The following CNBD1 variants were observed in gnomAD, a reference collection of about 807,000 sequenced individuals.
The protein encoded by CNBD1 is cyclic nucleotide-binding domain-containing protein 1.
Under a neutral mutation model 54.4 loss-of-function variants are expected in CNBD1, and 71 were observed. The ratio of observed to expected loss-of-function variants is 1.30; its 90% confidence interval spans 1.08 to 1.59. CNBD1 has a LOEUF of 1.59. CNBD1 is among the 40% of genes most tolerant of loss of function. CNBD1 has a pLI of 0.00. For missense variants in CNBD1, 659 were observed against 518.0 expected, an observed-to-expected ratio of 1.27 and a Z score of -2.64; for synonymous variants, 182 against 170.7, an observed-to-expected ratio of 1.07 and a Z score of -0.51.
chr8:86,877,125 C>A lies in CNBD1; in HGVS notation c.89-10417C>A, dbSNP rs551430262. ...AGTCTTTGGTCAGTTATATTCATAT[C>A]TTTAAATGTTATTAAATATTATTTT... On this transcript the variant is annotated intron_variant, in intron 1 of 10. Transcript: ENST00000518476. Among the ~76,000 whole-genome samples the A allele has an allele frequency of 2.6e-5, 4 of 152,002 alleles. 1 individual carries two copies. In the South Asian group the frequency reaches 8.3e-4, roughly 32 times the overall value.
chr8:87,320,881 C>T (rs1809511432), intron 8 of CNBD1, among the ~76,000 whole-genome samples: 1 of 152,104 alleles, frequency 6.6e-6, no homozygotes, highest in Admixed American at 6.6e-5. Context: ...ACCTTCCCTG[C>T]AGCCCCTGGC....
At chr8:86,894,686 C>G (rs1027202921) in intron 2 of CNBD1, among the ~76,000 whole-genome samples, 1 of 152,048 alleles carries the variant, frequency 6.6e-6, no homozygotes, top group Admixed American at 6.6e-5. Flanking sequence ...CATCTCTTCT[C>G]CCTCCCTTCT....
At chr8:87,408,600 G>T (rs74865218) in intron 2 of CNBD1, among the ~76,000 whole-genome samples, 2,763 of 151,946 alleles carry the variant, frequency 0.018, 83 homozygotes, top group African/African-American at 0.06. Context: ...TCATTCCTCA[G>T]TTTATCGTGC....
chr8:87,240,803 TC>T (rs1303402481), intron 6 of CNBD1, among the ~76,000 whole-genome samples: 4 of 152,108 alleles, frequency 2.6e-5, no homozygotes, highest in Non-Finnish European at 4.4e-5. Context: ...CTCCTGCAGT[TC>T]CCTGGAGCTG....
intron 4 of CNBD1, among the ~76,000 whole-genome samples, chr8:87,127,790 G>A (rs1021496802): frequency 6.6e-6 from 1 of 152,090 alleles, no homozygotes; most frequent in African/African-American, 2.4e-5. Flanking sequence ...GATACGGACA[G>A]GAGGCAGATA....
intron 4 of CNBD1, among the ~76,000 whole-genome samples, chr8:87,010,838 A>G (rs997737240): frequency 6.6e-6 from 1 of 152,100 alleles, no homozygotes; most frequent in Non-Finnish European, 1.5e-5. Flanking sequence ...TTTTAAATTG[A>G]TATCTGAAAC....
At chr8:87,419,569 C>T (rs1317410104) in intron 2 of CNBD1, among the ~76,000 whole-genome samples, 1 of 151,822 alleles carries the variant, frequency 6.6e-6, no homozygotes, top group South Asian at 2.1e-4. Flanking sequence ...TATAGTCATT[C>T]AGAATGTGTT....
In CNBD1 at chr8:87,292,361, T is replaced by C. The variant is rs114103413; in HGVS notation, c.1042+5690T>C. ...CAATAGTTAAAGAAGTTTGAAAGTC[T>C]GTTCTCTTCAGTGAATCACCAAGAG... On this transcript the variant is annotated intron_variant, in intron 8 of 10. Coordinates refer to ENST00000518476, the MANE Select transcript of CNBD1 (RefSeq NM_173538.3). Among the ~76,000 whole-genome samples the C allele has an allele frequency of 6.1e-3, 926 of 152,356 alleles. 9 individuals carry two copies. Among genetic ancestry groups the C allele is most frequent in the African/African-American group, 0.021 (868 of 41,582 alleles).
intron 8 of CNBD1, among the ~76,000 whole-genome samples, chr8:87,313,058 A>T (rs1402038194): frequency 6.6e-6 from 1 of 151,956 alleles, no homozygotes; most frequent in Non-Finnish European, 1.5e-5. Context: ...CCATTTTCTG[A>T]TGTTACTTAA....
intron 6 of CNBD1, among the ~76,000 whole-genome samples, chr8:87,270,952 CATTATT>C (rs1808350389): frequency 6.6e-6 from 1 of 151,494 alleles, no homozygotes; most frequent in Non-Finnish European, 1.5e-5. Flanking sequence ...TTTTGTTACT[CATTATT>C]TGTTTGTTGA....
At chr8:87,350,451 C>A (rs893182914) in intron 8 of CNBD1, among the ~76,000 whole-genome samples, 2 of 151,666 alleles carry the variant, frequency 1.3e-5, no homozygotes, top group African/African-American at 4.8e-5. Context: ...AGTACTTATT[C>A]CATTGTATGT....
chr8:87,207,697 C>T (rs1185788095), intron 5 of CNBD1, among the ~76,000 whole-genome samples: 1 of 151,966 alleles, frequency 6.6e-6, no homozygotes, highest in Non-Finnish European at 1.5e-5. Flanking sequence ...TTTTTTCAAA[C>T]ATTTTCTAAA....
Position 87,382,609 on chromosome 8 carries a change from G to T in CNBD1, c.1304-11G>T. 6.5e-7 allele frequency: 1 copy of T among 1,537,166 alleles called. No individual in the cohort carries two copies. On this transcript the variant is annotated splice_polypyrimidine_tract_variant and intron_variant, in intron 10 of 10. Transcript: ENST00000518476. The stretch of plus-strand genomic sequence containing the variant: ...TATGTAACTTCTTGTTTGTTTGTTT[G>T]CCTTTTGCAGTGGCCTAGATCTAGA...
At chr8:87,203,982 T>G (rs115052143) in intron 4 of CNBD1, among the ~76,000 whole-genome samples, 2,455 of 152,250 alleles carry the variant, frequency 0.016, 78 homozygotes, top group African/African-American at 0.056. Context: ...AATTAGACCT[T>G]AGATCTGTTT....
At chr8:86,997,651 G>A (rs1231095008) in intron 4 of CNBD1, among the ~76,000 whole-genome samples, 1 of 152,126 alleles carries the variant, frequency 6.6e-6, no homozygotes, top group Admixed American at 6.5e-5. Context: ...ATGTAGCAGG[G>A]CTTGTAAAAA....
intron 2 of CNBD1, among the ~76,000 whole-genome samples, chr8:86,898,824 T>C (rs1249190912): frequency 3.9e-5 from 6 of 152,144 alleles, no homozygotes; most frequent in Admixed American, 3.9e-4. Flanking sequence ...TAAGCTGAAC[T>C]TCCTTAAAAT....
chr8:87,255,192 A>T (rs1807986207), intron 6 of CNBD1, among the ~76,000 whole-genome samples: 1 of 152,176 alleles, frequency 6.6e-6, no homozygotes, highest in Non-Finnish European at 1.5e-5. Flanking sequence ...TTTGCAAAAA[A>T]AAGTCGACAG....
intron 4 of CNBD1, among the ~76,000 whole-genome samples, chr8:87,086,907 A>T (rs1811105611): frequency 6.6e-6 from 1 of 152,118 alleles, no homozygotes; most frequent in African/African-American, 2.4e-5. Flanking sequence ...AATCCAACTT[A>T]AACTACCTTA....
intron 4 of CNBD1, among the ~76,000 whole-genome samples, chr8:87,071,416 G>A (rs1471808343): frequency 2.0e-5 from 3 of 152,088 alleles, no homozygotes; most frequent in Non-Finnish European, 4.4e-5. Flanking sequence ...CAGGCTTTGT[G>A]TGAGACACTG....
Sources: gnomAD v4.1 joint callset for allele counts (sites outside exome capture counted in the v4.1 genomes callset) on GRCh38, gnomAD v4.1.1 for gene constraint, MANE v1.5 for transcripts, NCBI Gene and HGNC (gene_info 2026-07-23, HGNC 2026-07-21) for gene names.